The following PLXNC1 variants were observed in gnomAD, a reference collection of about 807,000 sequenced individuals.
PLXNC1 encodes the protein plexin C1, also known as plexin-C1.
PLXNC1 carries 75 observed loss-of-function variants against 178.2 expected under a neutral mutation model. The observed-to-expected ratio is 0.42, with a 90% CI of 0.35 to 0.51. PLXNC1 has a LOEUF of 0.51. Among genes scored for constraint, PLXNC1 ranks in the 20% least tolerant of loss-of-function variants. PLXNC1 has a pLI of 0.02. For missense variants in PLXNC1, 1,503 were observed against 1,984.4 expected (o/e 0.76, Z 4.61); for synonymous variants, 790 against 779.9 (o/e 1.01, Z -0.22).
intron 4 of PLXNC1, among the ~76,000 whole-genome samples, chr12:94,202,925 TG>T (rs1963185508): frequency 6.6e-6 from 1 of 152,050 alleles, no homozygotes; most frequent in African/African-American, 2.4e-5. Flanking sequence ...GAGTCTGGTA[TG>T]GGAGAAAGGG....
chr12:94,256,836 A>T (rs907868561), intron 17 of PLXNC1, among the ~76,000 whole-genome samples: 28 of 113,974 alleles, frequency 2.5e-4, no homozygotes, highest in African/African-American at 9.4e-4. Flanking sequence ...TTGCAAGTTG[A>T]GTGTTTCCAA....
chr12:94,234,953 A>G (rs1361238519), intron 9 of PLXNC1, among the ~76,000 whole-genome samples: 2 of 152,246 alleles, frequency 1.3e-5, no homozygotes, highest in African/African-American at 4.8e-5. Context: ...TGTTGCAACC[A>G]TACAGGGCAG....
chr12:94,189,871 C>G (rs1962659617), intron 4 of PLXNC1, among the ~76,000 whole-genome samples: 4 of 152,056 alleles, frequency 2.6e-5, no homozygotes, highest in Admixed American at 2.6e-4. Context: ...GCTCCATCAT[C>G]TGTGTGGAAA....
chr12:94,209,809 T>G, intron 5 of PLXNC1, 105 bp downstream of exon 5: 1 of 706,126 alleles, frequency 1.4e-6, no homozygotes, highest in Non-Finnish European at 2.5e-6. Flanking sequence ...TCAAACATGC[T>G]TAGTGATAGC....
rs1308019333 is a variant in PLXNC1, at chr12:94,250,464, A to G, written c.2779-962A>G. On this transcript the variant is annotated intron_variant, in intron 14 of 30. Coordinates refer to ENST00000258526, the MANE Select transcript of PLXNC1 (RefSeq NM_005761.3). ...AAACAGAGCAGGTGGCAGAGCTGGT[A>G]TGGAGAGCTTCAGCTATCCGGGTCC... is the stretch of plus-strand genomic sequence containing the variant. 5.9e-5 allele frequency among the ~76,000 whole-genome samples: 9 copies of G among 152,298 alleles called. No individual in the cohort carries two copies. In the East Asian group the frequency reaches 1.7e-3, roughly 29 times the overall value.
intron 17 of PLXNC1, among the ~76,000 whole-genome samples, chr12:94,257,770 G>C (rs1417412887): frequency 6.6e-6 from 1 of 152,168 alleles, no homozygotes; most frequent in Non-Finnish European, 1.5e-5. Context: ...AGCCAGGCAT[G>C]GTGGCGGGCG....
intron 18 of PLXNC1, 108 bp from the exon 19 acceptor site, chr12:94,259,502 C>A: frequency 8.7e-7 from 1 of 1,145,192 alleles, no homozygotes; most frequent in Non-Finnish European, 1.2e-6. Flanking sequence ...ATCATGAATT[C>A]AATATTGAAT....
chr12:94,276,185 TAAAC>T (rs1965944361), intron 21 of PLXNC1, among the ~76,000 whole-genome samples: 1 of 152,216 alleles, frequency 6.6e-6, no homozygotes, highest in Non-Finnish European at 1.5e-5. Context: ...ATAAAACTAT[TAAAC>T]AAGCTGAGAT....
In PLXNC1 at chr12:94,195,282, A is replaced by G. The variant is rs530127297; in HGVS notation, c.1439+8809A>G. On this transcript the variant is annotated intron_variant, in intron 4 of 30. Coordinates refer to ENST00000258526, the MANE Select transcript of PLXNC1 (RefSeq NM_005761.3). Reference sequence around the variant, plus strand: ...CCTCCCACCCCACCCTTCCTGGGTCACTTTCCTCTGGTGTGTTTTGTAAAG... The same window carrying G: ...CCTCCCACCCCACCCTTCCTGGGTCGCTTTCCTCTGGTGTGTTTTGTAAAG... Among the ~76,000 whole-genome samples the G allele has an allele frequency of 1.2e-4, 18 of 152,226 alleles. No individual in the cohort carries two copies. The South Asian group carries it at 2.9e-3, about 25-fold the overall frequency.
intron 2 of PLXNC1, among the ~76,000 whole-genome samples, chr12:94,172,066 G>A (rs188179430): frequency 6.6e-6 from 1 of 152,336 alleles, no homozygotes; most frequent in East Asian, 1.9e-4. Flanking sequence ...CCTTTATTCA[G>A]AAGCTTTCAG....
chr12:94,225,832 G>T (rs1051727908), intron 7 of PLXNC1, among the ~76,000 whole-genome samples: 2 of 152,188 alleles, frequency 1.3e-5, no homozygotes, highest in African/African-American at 4.8e-5. Context: ...CCGGATCCAC[G>T]CAAAAGCCAG....
chr12:94,229,044 C>T (rs1365622719), intron 9 of PLXNC1, among the ~76,000 whole-genome samples: 1 of 152,230 alleles, frequency 6.6e-6, no homozygotes, highest in African/African-American at 2.4e-5. Flanking sequence ...GTTCCAGTTT[C>T]ACCCCATCCT....
At chr12:94,232,528 G>T (rs560884555) in intron 9 of PLXNC1, among the ~76,000 whole-genome samples, 1 of 152,138 alleles carries the variant, frequency 6.6e-6, no homozygotes, top group African/African-American at 2.4e-5. Context: ...GCATAGAGCC[G>T]GGTACTGTAG....
intron 22 of PLXNC1, chr12:94,282,050 T>C (rs1269537617): frequency 9.6e-6 from 4 of 418,040 alleles, no homozygotes; most frequent in Non-Finnish European, 1.8e-5. Flanking sequence ...TAGAATGCAT[T>C]ATTTTGTCTT....
intron 12 of PLXNC1, 152 bp downstream of exon 12, chr12:94,244,177 G>T: frequency 2.2e-6 from 1 of 461,690 alleles, no homozygotes; most frequent in South Asian, 4.5e-5. Context: ...ATGCTAGAAT[G>T]GAAATAATAA....
intron 5 of PLXNC1, among the ~76,000 whole-genome samples, chr12:94,214,146 G>T (rs141932788): frequency 6.6e-6 from 1 of 150,830 alleles, no homozygotes. Context: ...GTGCAGAGAC[G>T]TGATCATAAT....
At position 94,279,793 on chromosome 12, in the gene PLXNC1, C is replaced by T. The variant is rs1565853442; in HGVS notation, c.3775+144C>T. 5 of 775,438 alleles carry T rather than the reference C, an allele frequency of 6.4e-6. No homozygotes were observed. The South Asian group carries it at 7.4e-5, about 11-fold the overall frequency. 48.0% of individuals were successfully genotyped at this position (775,438 alleles called of 1,614,324 possible). ...GCCAGGTTGTTCCTGGAGGGCATGT[C>T]TAGGGGCCAAGAGACTGCTTTGGTC... On this transcript the variant is annotated intron_variant, in intron 22 of 30. Transcript: ENST00000258526.
chr12:94,209,944 G>A (rs140836431), intron 5 of PLXNC1, among the ~76,000 whole-genome samples: 5 of 152,264 alleles, frequency 3.3e-5, no homozygotes, highest in South Asian at 2.1e-4. Context: ...GGAGTTTGTC[G>A]TCTTGTGGAG....
intron 20 of PLXNC1, chr12:94,262,479 C>T (rs1592824195): frequency 1.0e-6 from 1 of 985,452 alleles, no homozygotes. Context: ...GGCTGCGAGC[C>T]CAAACAGCCT....
Sources: gnomAD v4.1 joint callset for allele counts (sites outside exome capture counted in the v4.1 genomes callset) on GRCh38, gnomAD v4.1.1 for gene constraint, MANE v1.5 for transcripts, NCBI Gene and HGNC (gene_info 2026-07-23, HGNC 2026-07-21) for gene names.